Variants in CNTN6 observed in about 807,000 individuals in gnomAD.
CNTN6 encodes the protein contactin 6.
In CNTN6, 137 loss-of-function variants were observed where a neutral mutation model predicts 122.8. The observed-to-expected ratio is 1.12, with a 90% CI of 0.97 to 1.29. CNTN6 has a LOEUF of 1.29. Ranked by LOEUF, CNTN6 falls within the 50% of genes most tolerant of loss-of-function variation. The pLI, the probability that CNTN6 is intolerant of heterozygous loss-of-function variation, is 0.00. For synonymous variants in CNTN6, 570 were observed against 426.0 expected (o/e 1.34, Z -4.16); for missense variants, 1,634 against 1,223.4 (o/e 1.34, Z -5.01).
intron 10 of CNTN6, among the ~76,000 whole-genome samples, chr3:1,328,286 T>C (rs1701816002): frequency 1.3e-5 from 2 of 151,834 alleles, no homozygotes; most frequent in Admixed American, 6.6e-5. Flanking sequence ...AATTTGAGAA[T>C]GATATTTTGG....
At chr3:1,307,971 A>G (rs558818288) in intron 7 of CNTN6, among the ~76,000 whole-genome samples, 13 of 152,280 alleles carry the variant, frequency 8.5e-5, no homozygotes, top group Admixed American at 8.5e-4. Flanking sequence ...CTCCCACTCC[A>G]TACTGACTCT....
intron 2 of CNTN6, among the ~76,000 whole-genome samples, chr3:1,189,373 A>G (rs2093670307): frequency 1.3e-5 from 2 of 152,200 alleles, no homozygotes; most frequent in Non-Finnish European, 1.5e-5. Context: ...ATGCATTTAT[A>G]CAAAACATTA....
At position 1,352,329 on chromosome 3, in the gene CNTN6, T is replaced by G. The variant is rs747140404; in HGVS notation, c.1370T>G (p.Phe457Cys). 3 of 1,518,342 alleles carry G rather than the reference T, an allele frequency of 2.0e-6. No homozygotes were observed. The highest frequency in any genetic ancestry group is 4.7e-5 in the East Asian group (2 of 42,322). The allele number at this position is 1,518,342 out of a possible 1,614,324, so 94.1% of individuals were successfully genotyped here. The change falls in exon 12 of 23, where the codon TTT (phenylalanine) becomes TGT (cysteine). Residue 457 changes from phenylalanine (F) to cysteine (C), a missense_variant. Phe to Cys is a radical substitution (Grantham distance 205). Transcript: ENST00000446702. The stretch of plus-strand genomic sequence containing the variant: ...ATGATGTATTTTCTTTTTAGAATAT[T>G]TCTCTTGGAGGATGGCAGCCTCAAG... ...TETLRQSKRI[F>C]LLEDGSLKIY...
intron 1 of CNTN6, among the ~76,000 whole-genome samples, chr3:1,129,885 AAT>A (rs1394622730): frequency 1.3e-5 from 2 of 151,902 alleles, no homozygotes; most frequent in Non-Finnish European, 2.9e-5. Context: ...ATTTGTATAA[AAT>A]AGTTTGTTTT....
intron 2 of CNTN6, among the ~76,000 whole-genome samples, chr3:1,154,448 C>CTTTTT (rs771133835): frequency 7.1e-6 from 1 of 140,478 alleles, no homozygotes. Context: ...TCTTTTCTTT[C>CTTTTT]TTTTTTTTTT....
At chr3:1,356,328 G>A (rs1003589904) in intron 12 of CNTN6, among the ~76,000 whole-genome samples, 2 of 151,782 alleles carry the variant, frequency 1.3e-5, no homozygotes, top group Non-Finnish European at 2.9e-5. Context: ...CAACTGAAAT[G>A]TCGGAACTTG....
At chr3:1,220,062 G>T (rs1248879904) in intron 2 of CNTN6, among the ~76,000 whole-genome samples, 1 of 143,492 alleles carries the variant, frequency 7.0e-6, no homozygotes, top group East Asian at 2.0e-4. Context: ...TGGTGTAAAA[G>T]ATTTTATTGG....
chr3:1,334,135 G>A (rs1172019177), intron 11 of CNTN6, among the ~76,000 whole-genome samples: 1 of 152,142 alleles, frequency 6.6e-6, no homozygotes, highest in African/African-American at 2.4e-5. Context: ...TAGGTAGATG[G>A]CATTACAGAG....
chr3:1,260,300 G>A (rs1415692733), intron 4 of CNTN6, among the ~76,000 whole-genome samples: 1 of 152,060 alleles, frequency 6.6e-6, no homozygotes, highest in Non-Finnish European at 1.5e-5. Context: ...TCCGGATGGG[G>A]GTTCCGATTC....
chr3:1,251,588 A>G (rs2094670448), intron 4 of CNTN6, among the ~76,000 whole-genome samples: 1 of 152,162 alleles, frequency 6.6e-6, no homozygotes, highest in African/African-American at 2.4e-5. Flanking sequence ...AATCTAGTGA[A>G]AAATCCAACT....
At chr3:1,297,321 C>G (rs887343346) in intron 6 of CNTN6, among the ~76,000 whole-genome samples, 1 of 152,050 alleles carries the variant, frequency 6.6e-6, no homozygotes, top group Non-Finnish European at 1.5e-5. Context: ...ATGAGAATAG[C>G]CTACAGATAT....
intron 2 of CNTN6, among the ~76,000 whole-genome samples, chr3:1,194,951 GAGATTAAAAAA>G (rs894918628): frequency 6.6e-6 from 1 of 151,800 alleles, no homozygotes; most frequent in African/African-American, 2.4e-5. Flanking sequence ...GCAATTCTTA[GAGATTAAAAAA>G]AAAGACTCCC....
chr3:1,185,682 T>C (rs1212956036), intron 2 of CNTN6, among the ~76,000 whole-genome samples: 1 of 152,204 alleles, frequency 6.6e-6, no homozygotes, highest in East Asian at 1.9e-4. Context: ...ACATGTAGCA[T>C]AGTAATTGAG....
chr3:1,394,514 C>T (rs1407179232), intron 20 of CNTN6: 4 of 153,236 alleles, frequency 2.6e-5, no homozygotes, highest in African/African-American at 7.2e-5. Context: ...CTACAGCATA[C>T]AGGGCGGGCC....
At chr3:1,349,514 A>G (rs1705290667) in intron 11 of CNTN6, among the ~76,000 whole-genome samples, 1 of 151,804 alleles carries the variant, frequency 6.6e-6, no homozygotes, top group Admixed American at 6.6e-5. Context: ...CATATTGTAA[A>G]AGAAGAATAG....
intron 7 of CNTN6, among the ~76,000 whole-genome samples, chr3:1,308,412 G>C (rs559748507): frequency 6.6e-6 from 1 of 151,634 alleles, no homozygotes; most frequent in Non-Finnish European, 1.5e-5. Flanking sequence ...AAGCAGTCAT[G>C]TCTCCAAGGA....
chr3:1,319,805 A>G (rs1700590607), intron 7 of CNTN6, among the ~76,000 whole-genome samples: 2 of 148,522 alleles, frequency 1.3e-5, no homozygotes, highest in African/African-American at 5.0e-5. Context: ...GCAGGAAAAT[A>G]ATGAAAACCA....
chr3:1,132,522 T>A (rs2092363193), intron 1 of CNTN6, among the ~76,000 whole-genome samples: 1 of 151,748 alleles, frequency 6.6e-6, no homozygotes, highest in South Asian at 2.1e-4. Flanking sequence ...ACAAGGAGTT[T>A]GAGAATAGCC....
intron 2 of CNTN6, among the ~76,000 whole-genome samples, chr3:1,154,841 C>T (rs1021414827): frequency 6.6e-6 from 1 of 152,186 alleles, no homozygotes; most frequent in Non-Finnish European, 1.5e-5. Context: ...AATCTGGCTT[C>T]TTCTGCCTAC....
Sources: allele counts gnomAD v4.1 joint callset (sites outside exome capture counted in the v4.1 genomes callset), GRCh38; gene constraint gnomAD v4.1.1; transcripts MANE v1.5; gene names NCBI Gene and HGNC (gene_info 2026-07-23, HGNC 2026-07-21).